Variants in CADM1 observed in about 807,000 individuals in gnomAD.
CADM1 encodes cell adhesion molecule 1, also known as TSLC-1.
Under a neutral mutation model 53.1 loss-of-function variants are expected in CADM1, and 15 were observed. The ratio of observed to expected loss-of-function variants is 0.28; its 90% CI spans 0.19 to 0.44. CADM1 has a LOEUF of 0.44. Among genes scored for constraint, CADM1 ranks in the 20% least tolerant of loss-of-function variants. The probability of loss-of-function intolerance (pLI) is 1.00; values close to 1 mark genes in which losing one functional copy is unlikely to be tolerated. For missense variants in CADM1, 434 were observed against 611.3 expected, an observed-to-expected ratio of 0.71 and a Z score of 3.06; for synonymous variants, 281 against 243.0, an observed-to-expected ratio of 1.16 and a Z score of -1.45.
intron 8 of CADM1, 40 bp downstream of exon 8, chr11:115,209,534 T>TA (rs745964562): frequency 5.0e-6 from 8 of 1,602,590 alleles, no homozygotes; most frequent in Non-Finnish European, 6.8e-6. Context: ...AAAGACAATA[T>TA]ACATTCAGGA....
intron 1 of CADM1, chr11:115,397,357 C>T (rs921877059): frequency 9.2e-5 from 14 of 152,090 alleles, no homozygotes; most frequent in Non-Finnish European, 4.4e-5. Flanking sequence ...TACAGAAAAA[C>T]TGAACATTAC....
intron 1 of CADM1, among the ~76,000 whole-genome samples, chr11:115,486,341 T>C (rs369571754): frequency 6.6e-6 from 1 of 152,102 alleles, no homozygotes; most frequent in East Asian, 1.9e-4. Context: ...CCTCTTGAAT[T>C]TATTTATTTG....
At chr11:115,204,697 A>G (rs1940595720) in intron 8 of CADM1, among the ~76,000 whole-genome samples, 1 of 152,176 alleles carries the variant, frequency 6.6e-6, no homozygotes, top group Admixed American at 6.5e-5. Context: ...AACTAAAAAC[A>G]TGTGTTCTGG....
At chr11:115,178,953 C>G (rs977492379) in intron 10 of CADM1, 178 bp from the exon 11 acceptor site, 2 of 689,928 alleles carry the variant, frequency 2.9e-6, no homozygotes, top group Admixed American at 2.1e-5. Flanking sequence ...AGTGCTGAAT[C>G]GATCTGTTCT....
intron 9 of CADM1, among the ~76,000 whole-genome samples, chr11:115,197,021 T>G (rs2134671954): frequency 6.6e-6 from 1 of 152,300 alleles, no homozygotes; most frequent in East Asian, 1.9e-4. Context: ...CCTAGCCCCT[T>G]TAAGTTATTT....
At chr11:115,409,967 C>T (rs1023852997) in intron 1 of CADM1, among the ~76,000 whole-genome samples, 1 of 152,156 alleles carries the variant, frequency 6.6e-6, no homozygotes, top group African/African-American at 2.4e-5. Flanking sequence ...CATCTGTTCC[C>T]AGGTCCCCCT....
At chr11:115,463,432 ATCAAT>A (rs1948835720) in intron 1 of CADM1, among the ~76,000 whole-genome samples, 1 of 152,228 alleles carries the variant, frequency 6.6e-6, no homozygotes, top group African/African-American at 2.4e-5. Context: ...TAAAGAAAAA[ATCAAT>A]TCAAAGCAAA....
At chr11:115,358,207 C>G in intron 1 of CADM1, among the ~76,000 whole-genome samples, 1 of 132,666 alleles carries the variant, frequency 7.5e-6, no homozygotes, top group Non-Finnish European at 1.8e-5. Flanking sequence ...GATCCTCCTT[C>G]TCTCACTCAT....
At chr11:115,443,132 T>C (rs940975980) in intron 1 of CADM1, among the ~76,000 whole-genome samples, 15 of 152,290 alleles carry the variant, frequency 9.8e-5, no homozygotes, top group African/African-American at 3.6e-4. Context: ...ATTCTTGGGC[T>C]GGGAGCCAAA....
intron 1 of CADM1, among the ~76,000 whole-genome samples, chr11:115,299,035 T>C (rs1373868040): frequency 1.3e-5 from 2 of 152,286 alleles, no homozygotes; most frequent in East Asian, 3.9e-4. Flanking sequence ...ATAAAGGTAA[T>C]CTTAAATTGG....
At chr11:115,209,711 C>A in intron 7 of CADM1, 54 bp from the exon 8 acceptor site, 1 of 1,600,156 alleles carries the variant, frequency 6.2e-7, no homozygotes, top group South Asian at 1.1e-5. Context: ...ACAACAATGA[C>A]CAGTAATGAC....
intron 1 of CADM1, among the ~76,000 whole-genome samples, chr11:115,406,966 A>G (rs945325875): frequency 2.0e-5 from 3 of 151,560 alleles, no homozygotes; most frequent in Admixed American, 2.0e-4. Flanking sequence ...AAAAAAAAAG[A>G]AAAAAAGTGA....
At chr11:115,373,010 A>G (rs1188243250) in intron 1 of CADM1, among the ~76,000 whole-genome samples, 1 of 152,234 alleles carries the variant, frequency 6.6e-6, no homozygotes, top group Non-Finnish European at 1.5e-5. Flanking sequence ...GTACAAGGAC[A>G]TAAATTGCTC....
chr11:115,472,879 C>T lies in CADM1; in HGVS notation c.124+31392G>A, dbSNP rs550008512. Among the ~76,000 whole-genome samples, 14 of 151,604 alleles carry T rather than the reference C, an allele frequency of 9.2e-5. No individual in the cohort carries two copies. The South Asian group carries it at 1.5e-3, about 16-fold the overall frequency. On this transcript the variant is annotated intron_variant, in intron 1 of 11. Transcript: ENST00000331581. ...GTCTGGTAATTAATGGCCTAGAAAGCGAAAAAAAACCTTAGATTTCTTATT... is the reference window on the plus strand; with the variant it reads ...GTCTGGTAATTAATGGCCTAGAAAGTGAAAAAAAACCTTAGATTTCTTATT...
chr11:115,246,188 G>C (rs1338698864), intron 1 of CADM1, among the ~76,000 whole-genome samples: 1 of 152,156 alleles, frequency 6.6e-6, no homozygotes, highest in Non-Finnish European at 1.5e-5. Flanking sequence ...CAACCTGCAT[G>C]AATACTTTAG....
At chr11:115,484,652 A>T (rs1265970353) in intron 1 of CADM1, among the ~76,000 whole-genome samples, 1 of 152,146 alleles carries the variant, frequency 6.6e-6, no homozygotes, top group Non-Finnish European at 1.5e-5. Flanking sequence ...AATGGACTCC[A>T]ATATAAAAAC....
intron 1 of CADM1, among the ~76,000 whole-genome samples, chr11:115,249,514 C>G (rs1055952513): frequency 6.6e-6 from 1 of 152,230 alleles, no homozygotes; most frequent in Non-Finnish European, 1.5e-5. Flanking sequence ...ATAGAACTAT[C>G]TACATTTCCC....
chr11:115,339,383 T>C (rs1945361187), intron 1 of CADM1, among the ~76,000 whole-genome samples: 1 of 152,140 alleles, frequency 6.6e-6, no homozygotes, highest in Non-Finnish European at 1.5e-5. Flanking sequence ...CCAACCCAAA[T>C]GTCCAACAAT....
At chr11:115,474,754 G>A (rs1358231145) in intron 1 of CADM1, among the ~76,000 whole-genome samples, 2 of 151,606 alleles carry the variant, frequency 1.3e-5, no homozygotes, top group African/African-American at 2.4e-5. Context: ...TGTAAATGAC[G>A]AGTTAATGGG....
Sources: gnomAD v4.1 joint callset for allele counts (sites outside exome capture counted in the v4.1 genomes callset) on GRCh38, gnomAD v4.1.1 for gene constraint, MANE v1.5 for transcripts, NCBI Gene and HGNC (gene_info 2026-07-23, HGNC 2026-07-21) for gene names.